Variants in MGAT5 observed in about 807,000 individuals in gnomAD.
MGAT5 encodes the protein alpha-1,6-mannosylglycoprotein 6-beta-N-acetylglucosaminyltransferase.
In MGAT5, 30 loss-of-function variants were observed where a neutral mutation model predicts 94.3. That is an observed-to-expected ratio of 0.32 (90% confidence interval 0.24 to 0.43). The LOEUF (loss-of-function observed/expected upper bound fraction) is 0.43. Among genes scored for constraint, MGAT5 ranks in the 20% least tolerant of loss-of-function variants. The probability of loss-of-function intolerance (pLI) is 1.00; values close to 1 mark genes in which losing one functional copy is unlikely to be tolerated. For synonymous variants in MGAT5, 310 were observed against 322.9 expected (o/e 0.96, Z 0.43); for missense variants, 691 against 905.5 (o/e 0.76, Z 3.04).
rs561470600 is a variant in MGAT5 at position 134,288,551 on chromosome 2, G to A, written c.406+18001G>A. Among the ~76,000 whole-genome samples, 7 of 152,004 alleles carry A rather than the reference G, an allele frequency of 4.6e-5. No homozygotes were observed. The South Asian group carries it at 1.5e-3, about 32-fold the overall frequency. On this transcript the variant is annotated intron_variant, in intron 2 of 15. Coordinates refer to ENST00000281923, the MANE Select transcript of MGAT5 (RefSeq NM_002410.5). ...AAAAAATTCAACCCCTGAAGTAGATGTTTGTTTGTTTGGTGCTTGATACCA... is the reference window on the plus strand; with the variant it reads ...AAAAAATTCAACCCCTGAAGTAGATATTTGTTTGTTTGGTGCTTGATACCA...
At chr2:134,419,313 A>T (rs1684148806) in intron 12 of MGAT5, among the ~76,000 whole-genome samples, 1 of 152,162 alleles carries the variant, frequency 6.6e-6, no homozygotes, top group Admixed American at 6.5e-5. Flanking sequence ...GCCTTAAGTA[A>T]TGTGGCTGGT....
chr2:134,246,598 C>A (rs1682279985), intron 1 of MGAT5, among the ~76,000 whole-genome samples: 1 of 152,130 alleles, frequency 6.6e-6, no homozygotes, highest in African/African-American at 2.4e-5. Context: ...TTGATTCAAC[C>A]CTTGAGGTTG....
chr2:134,426,906 G>A (rs1345461815), intron 13 of MGAT5, among the ~76,000 whole-genome samples: 1 of 152,144 alleles, frequency 6.6e-6, no homozygotes, highest in Non-Finnish European at 1.5e-5. Flanking sequence ...AGAATAGTCT[G>A]CCATGATATT....
intron 1 of MGAT5, among the ~76,000 whole-genome samples, chr2:134,264,915 G>A (rs1037950747): frequency 6.6e-6 from 1 of 152,172 alleles, no homozygotes; most frequent in South Asian, 2.1e-4. Context: ...ATAATTTTTG[G>A]CATTTCAGAT....
rs150980004 is a variant in MGAT5, at chr2:134,361,975, A to G, written c.1247-300A>G. The stretch of plus-strand genomic sequence containing the variant: ...CTGCTGGGAAATGGACAGTAGCCTT[A>G]TTCTGAGGCAACAAGGAAGAGAGTA... On this transcript the variant is annotated intron_variant, in intron 9 of 15. Coordinates refer to ENST00000281923, the MANE Select transcript of MGAT5 (RefSeq NM_002410.5). Among the ~76,000 whole-genome samples, 1,009 of 152,320 alleles carry G rather than the reference A, an allele frequency of 6.6e-3. 7 individuals are homozygous for G. The highest frequency in any genetic ancestry group is 0.019 in the African/African-American group (780 of 41,568).
At chr2:134,305,538 T>C (rs75674908) in intron 2 of MGAT5, among the ~76,000 whole-genome samples, 2 of 152,140 alleles carry the variant, frequency 1.3e-5, no homozygotes, top group Non-Finnish European at 2.9e-5. Context: ...AATACAAATA[T>C]ACACACATAA....
chr2:134,441,905 G>A lies in MGAT5; in HGVS notation c.2017G>A (p.Asp673Asn), dbSNP rs2106423708. The change falls in exon 15 of 16, where the codon GAC (aspartate) becomes AAC (asparagine). Residue 673 changes from aspartate to asparagine, a missense_variant. Transcript: ENST00000281923. ...CTTCCAGCACCTCAACAAGGACAAG[G>A]ACATGCTGAAGTAAGTGCCCTGGGG... ...SFFQHLNKDK[D>N]MLKYKVTCQS... 1 of 1,613,468 alleles carries A rather than the reference G, an allele frequency of 6.2e-7. No individual in the cohort carries two copies.
chr2:134,277,760 ACTT>A (rs1433203733), intron 2 of MGAT5, among the ~76,000 whole-genome samples: 1 of 152,218 alleles, frequency 6.6e-6, no homozygotes, highest in Non-Finnish European at 1.5e-5. Context: ...CACTGTAGTG[ACTT>A]CTTATTTGGA....
chr2:134,149,848 C>A (rs966100341), intron 1 of MGAT5, among the ~76,000 whole-genome samples: 1 of 152,212 alleles, frequency 6.6e-6, no homozygotes, highest in Admixed American at 6.5e-5. Context: ...AGTAGAGTTA[C>A]TGGAGTGCAG....
At chr2:134,205,589 G>A (rs1311801497) in intron 1 of MGAT5, among the ~76,000 whole-genome samples, 1 of 152,174 alleles carries the variant, frequency 6.6e-6, no homozygotes, top group Non-Finnish European at 1.5e-5. Context: ...TGCTAAGCTG[G>A]GGATACATAC....
chr2:134,225,118 G>C (rs1385008440), intron 1 of MGAT5, among the ~76,000 whole-genome samples: 2 of 151,814 alleles, frequency 1.3e-5, no homozygotes, highest in African/African-American at 4.8e-5. Context: ...TGGAAATCGG[G>C]GGGGAATTTC....
At chr2:134,189,155 T>G (rs1435827147) in intron 1 of MGAT5, among the ~76,000 whole-genome samples, 1 of 152,162 alleles carries the variant, frequency 6.6e-6, no homozygotes, top group African/African-American at 2.4e-5. Flanking sequence ...ATTGATTGAG[T>G]ACAACCACAT....
chr2:134,195,845 A>T (rs1424261054), intron 1 of MGAT5, among the ~76,000 whole-genome samples: 1 of 152,196 alleles, frequency 6.6e-6, no homozygotes, highest in Admixed American at 6.5e-5. Context: ...TAAGAAATGG[A>T]CTTTATTCTG....
At chr2:134,246,776 G>T (rs1230293011) in intron 1 of MGAT5, among the ~76,000 whole-genome samples, 1 of 151,202 alleles carries the variant, frequency 6.6e-6, no homozygotes, top group African/African-American at 2.4e-5. Flanking sequence ...TGGGGTGCTG[G>T]TTTGATTCTA....
intron 10 of MGAT5, among the ~76,000 whole-genome samples, chr2:134,401,271 C>G (rs1574020443): frequency 1.3e-5 from 2 of 152,262 alleles, no homozygotes; most frequent in Middle Eastern, 6.8e-3. Context: ...TGTTATCTGG[C>G]TCGTAATTGC....
chr2:134,359,048 A>G (rs1222794546), intron 9 of MGAT5, among the ~76,000 whole-genome samples: 1 of 152,230 alleles, frequency 6.6e-6, no homozygotes, highest in Non-Finnish European at 1.5e-5. Context: ...TTCTCTTAAT[A>G]AGAGACATTT....
chr2:134,151,983 G>C (rs1466442142), intron 1 of MGAT5, among the ~76,000 whole-genome samples: 2 of 127,424 alleles, frequency 1.6e-5, no homozygotes, highest in African/African-American at 6.1e-5. Context: ...CCCGCCCACT[G>C]CCATGAGACC....
At chr2:134,330,248 T>C (rs1687880770) in intron 4 of MGAT5, among the ~76,000 whole-genome samples, 1 of 152,160 alleles carries the variant, frequency 6.6e-6, no homozygotes, top group African/African-American at 2.4e-5. Flanking sequence ...TGAGAAAACT[T>C]GAAAGCCAAA....
At chr2:134,202,597 A>G (rs1381728875) in intron 1 of MGAT5, among the ~76,000 whole-genome samples, 1 of 152,246 alleles carries the variant, frequency 6.6e-6, no homozygotes, top group African/African-American at 2.4e-5. Flanking sequence ...CCCAGGCATC[A>G]GCCTCTGGCT....
Sources: gnomAD v4.1 joint callset for allele counts (sites outside exome capture counted in the v4.1 genomes callset) on GRCh38, gnomAD v4.1.1 for gene constraint, MANE v1.5 for transcripts, NCBI Gene and HGNC (gene_info 2026-07-23, HGNC 2026-07-21) for gene names.